Variants in CGB3 observed in about 807,000 individuals in gnomAD.
CGB3 encodes choriogonadotropin subunit beta 3.
A neutral mutation model predicts 5.1 loss-of-function variants in CGB3; 3 were observed. The ratio of observed to expected loss-of-function variants is 0.59; its 90% CI spans 0.27 to 1.52. The LOEUF is 1.52. Ranked by LOEUF, CGB3 falls within the 40% of genes most tolerant of loss-of-function variation. CGB3 has a pLI of 0.13. For synonymous variants in CGB3, 21 were observed against 80.9 expected (o/e 0.26, Z 3.97); for missense variants, 44 against 183.7 (o/e 0.24, Z 4.39).
rs559666604 is a variant in CGB3 at position 49,024,083 on chromosome 19, G to C, written c.-112C>G. ...GGGGTGAGCTCGACACTAACCCCTC[G>C]GGGGGCAAGAGGTAGACAAGGCCAG... On this transcript the variant is annotated 5_prime_UTR_variant, in exon 1 of 3. Coordinates refer to ENST00000357383, the MANE Select transcript of CGB3 (RefSeq NM_000737.5). 6.3e-7 allele frequency: 1 copy of C among 1,596,702 alleles called. No individual in the cohort carries two copies. The highest frequency in any genetic ancestry group is 1.3e-5 in the African/African-American group (1 of 74,254).
rs1032184595 is a variant in CGB3, at chr19:49,024,069, G to A, written c.-98C>T. ...GGTGATAGGATGCTGGGGTGAGCTC[G>A]ACACTAACCCCTCGGGGGGCAAGAG... On this transcript the variant is annotated 5_prime_UTR_variant, in exon 1 of 3. Coordinates refer to ENST00000357383, the MANE Select transcript of CGB3 (RefSeq NM_000737.5). 1.1e-5 allele frequency: 18 copies of A among 1,600,430 alleles called. No homozygotes were observed. The highest frequency in any genetic ancestry group is 2.2e-5 in the South Asian group (2 of 90,814).
chr19:49,024,073 C>G lies in CGB3; in HGVS notation c.-102G>C, dbSNP rs1187062276. ...ATAGGATGCTGGGGTGAGCTCGACA[C>G]TAACCCCTCGGGGGGCAAGAGGTAG... On this transcript the variant is annotated 5_prime_UTR_variant, in exon 1 of 3. Coordinates refer to ENST00000357383, the MANE Select transcript of CGB3 (RefSeq NM_000737.5). 6.2e-7 allele frequency: 1 copy of G among 1,602,976 alleles called. No homozygotes were observed.
At position 49,023,068 on chromosome 19, in the gene CGB3, G is replaced by C. The variant is rs2039636020; in HGVS notation, c.316C>G (p.Leu106Val). ...CGGCAGAGTGCACATTGACAGCTGA[G>C]AGCCACGGCGTAGGAGACCACGGGG... is the stretch of plus-strand genomic sequence containing the variant. ...VNPVVSYAVA[L>V]SCQCALCRRS... The change falls in exon 3 of 3, where the codon CTC becomes GTC. Residue 106 changes from leucine (L) to valine (V), a missense_variant. Physicochemically the swap from Leu to Val is conservative, Grantham distance 32. Transcript: ENST00000357383. 2.0e-6 allele frequency: 3 copies of C among 1,472,850 alleles called. No individual in the cohort carries two copies. The highest frequency in any genetic ancestry group is 2.7e-6 in the Non-Finnish European group (3 of 1,092,606). The allele number at this position is 1,472,850 out of a possible 1,614,324, so 91.2% of individuals were successfully genotyped here.
chr19:49,023,882 A>G lies in CGB3; in HGVS notation c.15+75T>C, dbSNP rs886687281. 15 of 1,611,660 alleles carry G rather than the reference A, an allele frequency of 9.3e-6. No individual in the cohort carries two copies. In the African/African-American group the frequency reaches 1.7e-4, roughly 19 times the overall value. On this transcript the variant is annotated intron_variant, in intron 1 of 2. Coordinates refer to ENST00000357383, the MANE Select transcript of CGB3 (RefSeq NM_000737.5). The stretch of plus-strand genomic sequence containing the variant: ...AAAGAGGCCTCCTTCCACAGCTCAC[A>G]CTGGTCTGACCCCTTCTCATGCCAG...
Position 49,023,886 on chromosome 19 carries a change from G to A in CGB3, c.15+71C>T, listed in dbSNP as rs189604695. On this transcript the variant is annotated intron_variant, in intron 1 of 2. Transcript: ENST00000357383. Reference sequence around the variant, plus strand: ...AGGCCTCCTTCCACAGCTCACACTGGTCTGACCCCTTCTCATGCCAGTGAT... The same window carrying A: ...AGGCCTCCTTCCACAGCTCACACTGATCTGACCCCTTCTCATGCCAGTGAT... The A allele has an allele frequency of 1.0e-2, 16,114 of 1,612,170 alleles. 222 individuals are homozygous for A. Among genetic ancestry groups the A allele is most frequent in the Non-Finnish European group, 9.1e-3 (10,716 of 1,179,776 alleles).
Position 49,024,215 on chromosome 19 carries a change from GT to G in CGB3, c.-245del, listed in dbSNP as rs2039648881. ...GTGAAGTGACCTCAGAGACTCAGTC[GT>G]CGAGTGCTAGGGACTAGTCGAGGCT... is the stretch of plus-strand genomic sequence containing the variant. On this transcript the variant is annotated 5_prime_UTR_variant, in exon 1 of 3. Transcript: ENST00000357383. The G allele has an allele frequency of 2.1e-6, 3 of 1,429,160 alleles. No homozygotes were observed. The African/African-American group carries it at 4.4e-5, about 21-fold the overall frequency. The allele number at this position is 1,429,160 out of a possible 1,614,324, so 88.5% of individuals were successfully genotyped here. A position where few individuals can be genotyped will look rare whatever the true frequency, so the allele number is the denominator to read the frequency against.
Position 49,024,123 on chromosome 19 carries a change from G to A in CGB3, c.-152C>T. 1 of 1,446,390 alleles carries A rather than the reference G, an allele frequency of 6.9e-7. No individual in the cohort carries two copies. Among genetic ancestry groups the A allele is most frequent in the Non-Finnish European group, 9.5e-7 (1 of 1,048,872 alleles). The allele number at this position is 1,446,390 out of a possible 1,614,324, so 89.6% of individuals were successfully genotyped here. A position where few individuals can be genotyped will look rare whatever the true frequency, so the allele number is the denominator to read the frequency against. ...GACAAGGCCAGGGGGGCGCAGGAGT[G>A]GCTCAGCGGAGCGCCCCAGCCCTCT... is the stretch of plus-strand genomic sequence containing the variant. On this transcript the variant is annotated 5_prime_UTR_variant, in exon 1 of 3. Coordinates refer to ENST00000357383, the MANE Select transcript of CGB3 (RefSeq NM_000737.5).
chr19:49,023,198 G>A lies in CGB3; in HGVS notation c.186C>T (p.Thr62=). Residue 62 remains threonine, a splice_region_variant and synonymous_variant, in exon 3 of 3, where the codon ACC becomes ACT. Coordinates refer to ENST00000357383, the MANE Select transcript of CGB3 (RefSeq NM_000737.5). ...CCGGCAGGACCCCCTGCAGCACGCG[G>A]GTCTGGAAGCCGTGTGAGTGGGGGA... ...TICAGYCPTM[T]RVLQGVLPAL... 1.1e-6 allele frequency: 1 copy of A among 887,968 alleles called. No homozygotes were observed. The highest frequency in any genetic ancestry group is 1.6e-6 in the Non-Finnish European group (1 of 613,260). The allele number at this position is 887,968 out of a possible 1,614,324, so 55.0% of individuals were successfully genotyped here.
chr19:49,023,716 C>G, intron 1 of CGB3, 113 bp from the exon 2 acceptor site: 1 of 1,415,148 alleles, frequency 7.1e-7, no homozygotes, highest in Non-Finnish European at 9.2e-7. Context: ...CCCGGCATCT[C>G]CTATTCAGGA....
rs770233250 is a variant in CGB3 at position 49,023,947 on chromosome 19, G to T, written c.15+10C>A. 1 of 1,612,938 alleles carries T rather than the reference G, an allele frequency of 6.2e-7. No homozygotes were observed. Among genetic ancestry groups the T allele is most frequent in the South Asian group, 1.1e-5 (1 of 91,034 alleles). On this transcript the variant is annotated intron_variant, in intron 1 of 2. Coordinates refer to ENST00000357383, the MANE Select transcript of CGB3 (RefSeq NM_000737.5). ...GAGGTGGAAGGTGCCCAGGGGCCCT[G>T]CAGTCTTACCTGGAACATCTCCATC...
Position 49,024,049 on chromosome 19 carries a change from T to C in CGB3, c.-78A>G. 1.3e-6 allele frequency: 2 copies of C among 1,591,214 alleles called. No homozygotes were observed. The highest frequency in any genetic ancestry group is 1.7e-6 in the Non-Finnish European group (2 of 1,160,052). Reference sequence around the variant, plus strand: ...GGGCGGCAAGGCCACCAGGAGGTGATAGGATGCTGGGGTGAGCTCGACACT... The same window carrying C: ...GGGCGGCAAGGCCACCAGGAGGTGACAGGATGCTGGGGTGAGCTCGACACT... On this transcript the variant is annotated 5_prime_UTR_variant, in exon 1 of 3. Coordinates refer to ENST00000357383, the MANE Select transcript of CGB3 (RefSeq NM_000737.5).
At position 49,023,043 on chromosome 19, in the gene CGB3, C is replaced by G; in HGVS notation, c.341G>C (p.Arg114Pro). ...VALSCQCALC[R>P]RSTTDCGGPK... ...ACCCCCGCAGTCAGTGGTGCTGCGG[C>G]GGCAGAGTGCACATTGACAGCTGAG... Residue 114 changes from arginine (R) to proline (P), a missense_variant, in exon 3 of 3, where the codon CGC (arginine) becomes CCC (proline). This residue lies in a region of CGB3 where 32 missense variants were observed against 139.4 expected (regional missense o/e 0.23). Coordinates refer to ENST00000357383, the MANE Select transcript of CGB3 (RefSeq NM_000737.5). 6.6e-7 allele frequency: 1 copy of G among 1,504,198 alleles called. No individual in the cohort carries two copies. The highest frequency in any genetic ancestry group is 9.0e-7 in the Non-Finnish European group (1 of 1,115,486). The allele number at this position is 1,504,198 out of a possible 1,614,324, so 93.2% of individuals were successfully genotyped here.
chr19:49,023,942 G>T lies in CGB3; in HGVS notation c.15+15C>A. The T allele has an allele frequency of 6.2e-7, 1 of 1,612,860 alleles. No individual in the cohort carries two copies. Among genetic ancestry groups the T allele is most frequent in the East Asian group, 2.2e-5 (1 of 44,824 alleles). ...GGAAGGAGGTGGAAGGTGCCCAGGG[G>T]CCCTGCAGTCTTACCTGGAACATCT... On this transcript the variant is annotated intron_variant, in intron 1 of 2. Transcript: ENST00000357383.
chr19:49,023,247 G>C, intron 2 of CGB3, 47 bp from the exon 3 acceptor site: 1 of 716,008 alleles, frequency 1.4e-6, no homozygotes, highest in East Asian at 2.8e-5. Flanking sequence ...TGGGGCCAGC[G>C]CCTCAGCTGA....
chr19:49,023,953 T>C lies in CGB3; in HGVS notation c.15+4A>G, dbSNP rs774053001. The C allele has an allele frequency of 1.9e-6, 3 of 1,613,060 alleles. No individual in the cohort carries two copies. The highest frequency in any genetic ancestry group is 2.5e-6 in the Non-Finnish European group (3 of 1,179,764). On this transcript the variant is annotated splice_donor_region_variant and intron_variant, in intron 1 of 2. Transcript: ENST00000357383. Reference sequence around the variant, plus strand: ...GAAGGTGCCCAGGGGCCCTGCAGTCTTACCTGGAACATCTCCATCCTTGGT... The same window carrying C: ...GAAGGTGCCCAGGGGCCCTGCAGTCCTACCTGGAACATCTCCATCCTTGGT...
intron 1 of CGB3, 136 bp downstream of exon 1, chr19:49,023,821 C>T: frequency 1.3e-6 from 2 of 1,545,460 alleles, no homozygotes; most frequent in East Asian, 4.5e-5. Flanking sequence ...CAGGAAATGC[C>T]CCACCTGAAG....
At chr19:49,023,322 C>T in intron 2 of CGB3, 114 bp downstream of exon 2, 1 of 528,796 alleles carries the variant, frequency 1.9e-6, no homozygotes, top group Non-Finnish European at 3.2e-6. Flanking sequence ...TCCTGCCCTC[C>T]CACACCCCAT....
At chr19:49,023,870 T>G in intron 1 of CGB3, 87 bp downstream of exon 1, 1 of 1,611,052 alleles carries the variant, frequency 6.2e-7, no homozygotes, top group Non-Finnish European at 8.5e-7. Context: ...GAGGCCTCCT[T>G]CCACAGCTCA....
In CGB3 at chr19:49,024,133, A is replaced by C; in HGVS notation, c.-162T>G. 1 of 1,337,100 alleles carries C rather than the reference A, an allele frequency of 7.5e-7. No homozygotes were observed. The highest frequency in any genetic ancestry group is 1.0e-6 in the Non-Finnish European group (1 of 963,346). 82.8% of individuals were successfully genotyped at this position (1,337,100 alleles called of 1,614,324 possible). A position where few individuals can be genotyped will look rare whatever the true frequency, so the allele number is the denominator to read the frequency against. On this transcript the variant is annotated 5_prime_UTR_variant, in exon 1 of 3. Coordinates refer to ENST00000357383, the MANE Select transcript of CGB3 (RefSeq NM_000737.5). ...GGGGGGCGCAGGAGTGGCTCAGCGG[A>C]GCGCCCCAGCCCTCTCCTCTCACTG... is the stretch of plus-strand genomic sequence containing the variant.
Sources: allele counts gnomAD v4.1 joint callset, GRCh38; gene constraint gnomAD v4.1.1; regional missense constraint gnomAD v4.1.1; transcripts MANE v1.5; gene names NCBI Gene and HGNC (gene_info 2026-07-23, HGNC 2026-07-21).